The following PAX9 variants were observed in gnomAD, a reference collection of about 807,000 sequenced individuals.
PAX9 encodes paired box protein Pax-9.
A neutral mutation model predicts 29.1 loss-of-function variants in PAX9; 6 were observed. The observed-to-expected ratio is 0.21, with a 90% CI of 0.11 to 0.41. The LOEUF is 0.41. Among genes scored for constraint, PAX9 ranks in the 10% least tolerant of loss-of-function variants. The pLI is 1.00. For missense variants in PAX9, 443 were observed against 479.1 expected, an observed-to-expected ratio of 0.92 and a Z score of 0.70; for synonymous variants, 217 against 211.7, an observed-to-expected ratio of 1.03 and a Z score of -0.22.
intron 2 of PAX9, among the ~76,000 whole-genome samples, chr14:36,664,007 G>T (rs1881394595): frequency 6.6e-6 from 1 of 152,240 alleles, no homozygotes; most frequent in Non-Finnish European, 1.5e-5. Context: ...CTTGGAAATT[G>T]AAGTATTCTC....
At chr14:36,658,290 C>G (rs1042837695), upstream of PAX9, among the ~76,000 whole-genome samples, 4 of 151,818 alleles carry the variant, frequency 2.6e-5, no homozygotes, top group Non-Finnish European at 5.9e-5. Context: ...ATCCCAGTCC[C>G]GGACCTCGGA....
chr14:36,659,773 G>A (rs1325552491), upstream of PAX9, among the ~76,000 whole-genome samples: 2 of 152,218 alleles, frequency 1.3e-5, no homozygotes, highest in Non-Finnish European at 2.9e-5. Context: ...ATGTGTGGCA[G>A]CTGAAGGAGT....
At chr14:36,666,939 G>C (rs1016542630) in intron 3 of PAX9, among the ~76,000 whole-genome samples, 19 of 152,176 alleles carry the variant, frequency 1.2e-4, no homozygotes, top group African/African-American at 4.3e-4. Flanking sequence ...CCCTTTCGGC[G>C]GCTCTCGTTG....
chr14:36,669,555 G>C (rs1032953203), intron 3 of PAX9, among the ~76,000 whole-genome samples: 28 of 152,214 alleles, frequency 1.8e-4, no homozygotes, highest in South Asian at 8.3e-4. Context: ...TGAGAATTCA[G>C]AATCATAGAG....
In PAX9 at chr14:36,662,767, G is replaced by T. The variant is rs573942689; in HGVS notation, c.5-130G>T. The T allele has an allele frequency of 9.0e-6, 10 of 1,108,114 alleles. No individual in the cohort carries two copies. The African/African-American group carries it at 1.5e-4, about 17-fold the overall frequency. 68.6% of individuals were successfully genotyped at this position (1,108,114 alleles called of 1,614,324 possible). A position where few individuals can be genotyped will look rare whatever the true frequency, so the allele number is the denominator to read the frequency against. ...TATGTTCAGGGACCATATGGTTTGG[G>T]GACAGCCCCAGTAGTTAGTAGGGGA... On this transcript the variant is annotated intron_variant, in intron 1 of 3. Coordinates refer to ENST00000361487, the MANE Select transcript of PAX9 (RefSeq NM_001372076.1).
At position 36,661,980 on chromosome 14, in the gene PAX9, AGGCGCC is replaced by A; in HGVS notation, c.-105_-100del. On this transcript the variant is annotated 5_prime_UTR_variant, in exon 1 of 4. Coordinates refer to ENST00000361487, the MANE Select transcript of PAX9 (RefSeq NM_001372076.1). ...GCCTCCTCCTCCTGGGAAGAAGCGG[AGGCGCC>A]GGCGGTCGGCCGGGATAGCAACAGG... 2 of 1,382,046 alleles carry A rather than the reference AGGCGCC, an allele frequency of 1.4e-6. No individual in the cohort carries two copies. The highest frequency in any genetic ancestry group is 2.5e-5 in the South Asian group (2 of 80,682). The allele number at this position is 1,382,046 out of a possible 1,614,324, so 85.6% of individuals were successfully genotyped here. A position where few individuals can be genotyped will look rare whatever the true frequency, so the allele number is the denominator to read the frequency against.
At position 36,676,391 on chromosome 14, in the gene PAX9, C is replaced by A; in HGVS notation, c.965C>A (p.Ala322Glu). 6.2e-7 allele frequency: 1 copy of A among 1,614,158 alleles called. No individual in the cohort carries two copies. The highest frequency in any genetic ancestry group is 8.5e-7 in the Non-Finnish European group (1 of 1,180,016). ...PHNCDIPASL[A>E]FKGMQAAREG... ...AACTGTGACATTCCGGCATCGCTGG[C>A]GTTCAAGGGAATGCAGGCAGCCAGA... Residue 322 changes from alanine (A) to glutamate (E), a missense_variant, in exon 4 of 4, where the codon GCG (alanine) becomes GAG (glutamate). Ala to Glu is a moderately radical substitution (Grantham distance 107). Coordinates refer to ENST00000361487, the MANE Select transcript of PAX9 (RefSeq NM_001372076.1).
rs5807896 is a variant in PAX9 at position 36,669,437 on chromosome 14, C to CAA, written c.771+2843_771+2844dup. ...GGACAATAACTTGAATGTCTTTGGC[C>CAA]AAAAAAAAGCTTTAAAATTTTTCCC... On this transcript the variant is annotated intron_variant, in intron 3 of 3. Transcript: ENST00000361487. Among the ~76,000 whole-genome samples the CAA allele has an allele frequency of 2.6e-5, 4 of 151,376 alleles. No individual in the cohort carries two copies. In the East Asian group the frequency reaches 5.8e-4, roughly 22 times the overall value.
At position 36,663,490 on chromosome 14, in the gene PAX9, G is replaced by C. The variant is rs1161932041; in HGVS notation, c.598G>C (p.Asp200His). The C allele has an allele frequency of 1.2e-6, 2 of 1,612,900 alleles. No homozygotes were observed. ...RTWPSSHSVT[D>H]ILGIRSITDQ... ...CTGGCCCTCCTCGCACTCCGTCACCGACATCCTGGGCATCCGCTCCATCAC... is the reference window on the plus strand; with the variant it reads ...CTGGCCCTCCTCGCACTCCGTCACCCACATCCTGGGCATCCGCTCCATCAC... Residue 200 changes from aspartate to histidine, a missense_variant, in exon 2 of 4, where the codon GAC becomes CAC. Around this residue, in one of 2 missense-constraint regions of PAX9, gnomAD observed 336 missense variants for 317.2 expected, o/e 1.06. Transcript: ENST00000361487.
chr14:36,673,724 A>G (rs1034852432), intron 3 of PAX9, among the ~76,000 whole-genome samples: 4 of 152,218 alleles, frequency 2.6e-5, no homozygotes, highest in African/African-American at 9.7e-5. Context: ...ATGGGTAGGA[A>G]AAATTTAGCT....
Position 36,678,895 on chromosome 14 carries a change from A to T in PAX9, c.*2443A>T. On this transcript the variant is annotated 3_prime_UTR_variant, in exon 4 of 4. Coordinates refer to ENST00000361487, the MANE Select transcript of PAX9 (RefSeq NM_001372076.1). ...CTATTCAAAGAAAATTATGATTTAA[A>T]GCCACTTTTTAAAATACGAGAAGGA... The T allele has an allele frequency of 1.0e-6, 1 of 976,724 alleles. No homozygotes were observed. The highest frequency in any genetic ancestry group is 1.2e-6 in the Non-Finnish European group (1 of 821,188). 60.5% of individuals were successfully genotyped at this position (976,724 alleles called of 1,614,324 possible).
In PAX9 at chr14:36,676,648, G is replaced by A; in HGVS notation, c.*196G>A. The stretch of plus-strand genomic sequence containing the variant: ...ATAACTTTTCTCTTGCAGAAAAACT[G>A]ACATGACTTTAGGATTTAAAAACAA... On this transcript the variant is annotated 3_prime_UTR_variant, in exon 4 of 4. Coordinates refer to ENST00000361487, the MANE Select transcript of PAX9 (RefSeq NM_001372076.1). 1 of 651,896 alleles carries A rather than the reference G, an allele frequency of 1.5e-6. No homozygotes were observed. The highest frequency in any genetic ancestry group is 2.7e-6 in the Non-Finnish European group (1 of 372,474). The allele number at this position is 651,896 out of a possible 1,614,324, so 40.4% of individuals were successfully genotyped here. A position where few individuals can be genotyped will look rare whatever the true frequency, so the allele number is the denominator to read the frequency against.
chr14:36,678,312 T>C lies in PAX9; in HGVS notation c.*1860T>C. On this transcript the variant is annotated 3_prime_UTR_variant, in exon 4 of 4. Transcript: ENST00000361487. ...GTGACTGCTTTTTTCAGACAGCAGATATCTTATAGAGAGCTTTGAACTGCA... is the reference window on the plus strand; with the variant it reads ...GTGACTGCTTTTTTCAGACAGCAGACATCTTATAGAGAGCTTTGAACTGCA... 1.8e-6 allele frequency: 1 copy of C among 566,232 alleles called. No individual in the cohort carries two copies. Among genetic ancestry groups the C allele is most frequent in the East Asian group, 2.8e-5 (1 of 35,680 alleles). 35.1% of individuals were successfully genotyped at this position (566,232 alleles called of 1,614,324 possible). A position where few individuals can be genotyped will look rare whatever the true frequency, so the allele number is the denominator to read the frequency against.
intron 1 of PAX9, among the ~76,000 whole-genome samples, 171 bp downstream of exon 1, chr14:36,662,264 C>T (rs1881305053): frequency 6.6e-6 from 1 of 152,092 alleles, no homozygotes; most frequent in African/African-American, 2.4e-5. Flanking sequence ...GGGTCAGCGG[C>T]GCACAGCAGT....
intron 2 of PAX9, among the ~76,000 whole-genome samples, chr14:36,664,655 T>C (rs1161670304): frequency 6.6e-6 from 1 of 151,848 alleles, no homozygotes; most frequent in Non-Finnish European, 1.5e-5. Flanking sequence ...ATTTAAATAA[T>C]GTGTAGATAG....
In PAX9 at chr14:36,678,889, A is replaced by G; in HGVS notation, c.*2437A>G. On this transcript the variant is annotated 3_prime_UTR_variant, in exon 4 of 4. Transcript: ENST00000361487. ...AATTTGCTATTCAAAGAAAATTATG[A>G]TTTAAAGCCACTTTTTAAAATACGA... 1.0e-6 allele frequency: 1 copy of G among 976,214 alleles called. No individual in the cohort carries two copies. The highest frequency in any genetic ancestry group is 1.2e-6 in the Non-Finnish European group (1 of 820,532). 60.5% of individuals were successfully genotyped at this position (976,214 alleles called of 1,614,324 possible).
At chr14:36,658,929 G>A (rs960274734), upstream of PAX9, 5 of 152,404 alleles carry the variant, frequency 3.3e-5, no homozygotes, top group African/African-American at 4.8e-5. Flanking sequence ...GTGTACACAA[G>A]GATCCGGCCA....
chr14:36,660,067 C>T (rs1399838485), upstream of PAX9, among the ~76,000 whole-genome samples: 1 of 152,150 alleles, frequency 6.6e-6, no homozygotes, highest in Non-Finnish European at 1.5e-5. Flanking sequence ...AGGAGGATTC[C>T]TTCCTGGTCA....
intron 2 of PAX9, among the ~76,000 whole-genome samples, chr14:36,664,215 T>C (rs1881403369): frequency 1.3e-5 from 2 of 152,206 alleles, no homozygotes; most frequent in African/African-American, 2.4e-5. Context: ...ATTCACTTTC[T>C]AACTTAACAG....
Sources: gnomAD v4.1 joint callset for allele counts (sites outside exome capture counted in the v4.1 genomes callset) on GRCh38, gnomAD v4.1.1 for gene constraint, gnomAD v4.1.1 regional missense constraint, MANE v1.5 for transcripts, NCBI Gene and HGNC (gene_info 2026-07-23, HGNC 2026-07-21) for gene names.